The following CHLSN variants were observed in gnomAD, a reference collection of about 807,000 sequenced individuals.
CHLSN encodes protein cholesin.
chr7:1,072,169 C>T, the CHLSN span, among the ~76,000 whole-genome samples: 1 of 152,228 alleles, frequency 6.6e-6, no homozygotes, highest in Admixed American at 6.5e-5. Context: ...GTGCCCCCAC[C>T]TCCCCATGGT....
the CHLSN span, among the ~76,000 whole-genome samples, chr7:1,122,312 A>G: frequency 6.6e-6 from 1 of 152,234 alleles, no homozygotes; most frequent in Non-Finnish European, 1.5e-5. Context: ...ACATGCTGAC[A>G]GCAGTGGACT....
chr7:1,124,770 A>G, the CHLSN span, among the ~76,000 whole-genome samples: 12,754 of 150,720 alleles, frequency 0.085, 1,309 homozygotes, highest in African/African-American at 0.24. Flanking sequence ...AGAGGCAGTC[A>G]GCCTGGGAGA....
chr7:1,109,900 C>T, the CHLSN span, among the ~76,000 whole-genome samples: 1 of 152,226 alleles, frequency 6.6e-6, no homozygotes, highest in Non-Finnish European at 1.5e-5. Flanking sequence ...CACCTCCTCA[C>T]GGGCAGACTC....
the CHLSN span, among the ~76,000 whole-genome samples, chr7:1,115,637 C>G: frequency 7.5e-6 from 1 of 133,004 alleles, no homozygotes. Flanking sequence ...AACGCCCACG[C>G]AGGATGATGA....
the CHLSN span, chr7:1,076,316 ACCG>A: frequency 6.2e-6 from 1 of 160,364 alleles, no homozygotes; most frequent in Non-Finnish European, 1.3e-5. Flanking sequence ...AGGGAGGAGC[ACCG>A]CCAAGGAGGA....
chr7:1,109,363 G>A, the CHLSN span: 1 of 152,166 alleles, frequency 6.6e-6, no homozygotes, highest in East Asian at 1.9e-4. Context: ...CCTTCAAGTG[G>A]TCCTAATCCC....
the CHLSN span, among the ~76,000 whole-genome samples, chr7:1,136,377 T>A: frequency 8.0e-3 from 577 of 72,114 alleles, 78 homozygotes; most frequent in African/African-American, 0.047. Flanking sequence ...TAAATATATA[T>A]AAATATATAA....
the CHLSN span, chr7:1,091,697 G>A: frequency 1.1e-5 from 17 of 1,480,452 alleles, no homozygotes; most frequent in East Asian, 6.9e-5. Flanking sequence ...GGAGCCTTTC[G>A]GCAAATCTTG....
chr7:1,064,658 T>C, the CHLSN span, among the ~76,000 whole-genome samples: 2 of 152,284 alleles, frequency 1.3e-5, no homozygotes, highest in South Asian at 4.1e-4. Context: ...CAGCCCTGCA[T>C]CCACCCAAAC....
chr7:992,849 G>A, the CHLSN span, among the ~76,000 whole-genome samples: 1 of 152,324 alleles, frequency 6.6e-6, no homozygotes, highest in African/African-American at 2.4e-5. Flanking sequence ...CTGTCTCTCC[G>A]GGCAGGTCTC....
At chr7:1,070,355 G>T in the CHLSN span, among the ~76,000 whole-genome samples, 1 of 124,040 alleles carries the variant, frequency 8.1e-6, no homozygotes, top group Non-Finnish European at 1.9e-5. Flanking sequence ...GGAGGGAGGT[G>T]GGGGGGTCAG....
the CHLSN span, among the ~76,000 whole-genome samples, chr7:1,125,183 C>A: frequency 4.6e-4 from 70 of 152,356 alleles, 1 homozygote; most frequent in African/African-American, 1.6e-3. Flanking sequence ...CTGGGCCACA[C>A]CCAGCAACCA....
chr7:1,029,731 A>C, the CHLSN span, among the ~76,000 whole-genome samples: 9 of 152,072 alleles, frequency 5.9e-5, no homozygotes, highest in Non-Finnish European at 1.3e-4. Context: ...TCTGGAGGCC[A>C]CCCCTGCCTG....
the CHLSN span, among the ~76,000 whole-genome samples, chr7:1,070,862 A>G: frequency 1.4e-5 from 2 of 147,994 alleles, no homozygotes; most frequent in African/African-American, 5.1e-5. Flanking sequence ...GGACATGCAC[A>G]CGGGTGCGCA....
the CHLSN span, among the ~76,000 whole-genome samples, chr7:990,509 C>T: frequency 6.6e-6 from 1 of 152,024 alleles, no homozygotes; most frequent in Admixed American, 6.5e-5. Flanking sequence ...ACATTCCCAC[C>T]TGCGCCACGT....
the CHLSN span, among the ~76,000 whole-genome samples, chr7:992,190 C>T: frequency 1.5e-4 from 20 of 134,054 alleles, no homozygotes; most frequent in African/African-American, 1.2e-4. Context: ...GCCCCTGTAC[C>T]CCCCCGCCTC....
At chr7:1,059,892 C>A in the CHLSN span, among the ~76,000 whole-genome samples, 1 of 46,174 alleles carries the variant, frequency 2.2e-5, no homozygotes, top group Non-Finnish European at 4.0e-5. Flanking sequence ...CGTAGTGAGG[C>A]GGGTCTTAGT....
the CHLSN span, among the ~76,000 whole-genome samples, chr7:1,100,984 C>T: frequency 5.3e-4 from 80 of 152,286 alleles, no homozygotes; most frequent in African/African-American, 1.6e-3. Context: ...GCCCTTCCAC[C>T]GCAGGCACAG....
the CHLSN span, among the ~76,000 whole-genome samples, chr7:998,169 C>T: frequency 6.6e-6 from 1 of 152,160 alleles, no homozygotes; most frequent in Non-Finnish European, 1.5e-5. Flanking sequence ...GCACTTGGCA[C>T]GCTCGCCTTT....
Sources: gnomAD v4.1 joint callset for allele counts (sites outside exome capture counted in the v4.1 genomes callset) on GRCh38, gnomAD v4.1.1 for gene constraint, MANE v1.5 for transcripts, NCBI Gene and HGNC (gene_info 2026-07-23, HGNC 2026-07-21) for gene names.